Variants in NEFL observed in about 807,000 individuals in gnomAD.
NEFL encodes the protein neurofilament light chain, also known as neurofilament light polypeptide.
Under a neutral mutation model 51.6 loss-of-function variants are expected in NEFL, and 36 were observed. That is an observed-to-expected ratio of 0.70 (90% CI 0.53 to 0.92). NEFL has a LOEUF of 0.92. NEFL is among the 40% of genes least tolerant of loss of function. The pLI is 0.00. For synonymous variants in NEFL, 332 were observed against 302.5 expected (o/e 1.10, Z -1.01); for missense variants, 671 against 722.0 (o/e 0.93, Z 0.81).
In NEFL at chr8:24,955,252, A is replaced by T; in HGVS notation, c.1044+220T>A. 1 of 464,190 alleles carries T rather than the reference A, an allele frequency of 2.2e-6. No individual in the cohort carries two copies. Among genetic ancestry groups the T allele is most frequent in the Non-Finnish European group, 3.8e-6 (1 of 262,462 alleles). 28.8% of individuals were successfully genotyped at this position (464,190 alleles called of 1,614,324 possible). On this transcript the variant is annotated intron_variant, in intron 1 of 3. Coordinates refer to ENST00000610854, the MANE Select transcript of NEFL (RefSeq NM_006158.5). This position sits in a 1 kb window ranked among gnomAD's most constrained non-coding sequence, Gnocchi z 4.0. ...CAAGGGCTGGGCAGCTTTAATGCGG[A>T]ACGCCGGTGCAGCAGCACGGAGCAC...
Position 24,955,766 on chromosome 8 carries a change from G to A in NEFL, c.750C>T (p.Thr250=), listed in dbSNP as rs1292559793. The change falls in exon 1 of 4, where the codon ACC becomes ACT. Residue 250 remains threonine (T), a synonymous_variant. Transcript: ENST00000610854. This position sits in a 1 kb window ranked among gnomAD's most constrained non-coding sequence, Gnocchi z 4.0. ...YAQISVEMDV[T]KPDLSAALKD... is the part of the protein sequence containing the mutation. ...TGAGCGCGGCGGAAAGGTCGGGCTT[G>A]GTCACGTCCATCTCCACGGAGATCT... is the stretch of plus-strand genomic sequence containing the variant. 1.2e-6 allele frequency: 2 copies of A among 1,613,178 alleles called. No individual in the cohort carries two copies. The highest frequency in any genetic ancestry group is 2.2e-5 in the East Asian group (1 of 44,852).
At position 24,955,388 on chromosome 8, in the gene NEFL, AC is replaced by A. The variant is rs1803030721; in HGVS notation, c.1044+83del. ...CCTAAGAGCTGCGTGCAGCCGCACC[AC>A]CCCTGGTCTCCACTTTCTGGGCGCA... On this transcript the variant is annotated intron_variant, in intron 1 of 3. Coordinates refer to ENST00000610854, the MANE Select transcript of NEFL (RefSeq NM_006158.5). This position sits in a 1 kb window ranked among gnomAD's most constrained non-coding sequence, Gnocchi z 4.0. 2 of 1,341,110 alleles carry A rather than the reference AC, an allele frequency of 1.5e-6. No homozygotes were observed. The highest frequency in any genetic ancestry group is 2.0e-6 in the Non-Finnish European group (2 of 993,272). 83.1% of individuals were successfully genotyped at this position (1,341,110 alleles called of 1,614,324 possible). A position where few individuals can be genotyped will look rare whatever the true frequency, so the allele number is the denominator to read the frequency against.
Position 24,952,738 on chromosome 8 carries a change from G to C in NEFL, c.*72C>G. The C allele has an allele frequency of 6.2e-7, 1 of 1,605,504 alleles. No individual in the cohort carries two copies. Among genetic ancestry groups the C allele is most frequent in the Non-Finnish European group, 8.5e-7 (1 of 1,174,842 alleles). ...TCACATAGAATCTGGAACTCAACTG[G>C]TTGGTTGGTTGGTGATGGGGTTGAC... On this transcript the variant is annotated 3_prime_UTR_variant, in exon 4 of 4. Transcript: ENST00000610854.
intron 1 of NEFL, 23 bp from the exon 2 acceptor site, chr8:24,954,328 CAA>C (rs759422223): frequency 6.9e-7 from 1 of 1,445,612 alleles, no homozygotes; most frequent in African/African-American, 1.5e-5. Context: ...AAAAATAAAA[CAA>C]AAAAAAAATC....
intron 2 of NEFL, 151 bp downstream of exon 2, chr8:24,954,030 A>T: frequency 8.0e-7 from 1 of 1,252,136 alleles, no homozygotes; most frequent in Non-Finnish European, 1.1e-6. Flanking sequence ...TTATATATCT[A>T]AATACCCTCT....
intron 2 of NEFL, 108 bp downstream of exon 2, chr8:24,954,073 A>G (rs1803008036): frequency 6.7e-7 from 1 of 1,499,836 alleles, no homozygotes; most frequent in African/African-American, 1.4e-5. Flanking sequence ...ACACTTCATT[A>G]TTTCAAAAGG....
At position 24,955,050 on chromosome 8, in the gene NEFL, G is replaced by C. The variant is rs1028983946; in HGVS notation, c.1044+422C>G. 6.6e-6 allele frequency among the ~76,000 whole-genome samples: 1 copy of C among 152,216 alleles called. No homozygotes were observed. The highest frequency in any genetic ancestry group is 2.4e-5 in the African/African-American group (1 of 41,456). On this transcript the variant is annotated intron_variant, in intron 1 of 3. Coordinates refer to ENST00000610854, the MANE Select transcript of NEFL (RefSeq NM_006158.5). The surrounding 1 kb of genome is among the most constrained non-coding windows in gnomAD (Gnocchi z 4.0). Reference sequence around the variant, plus strand: ...GTTGGTAAAACTAGTCATAAAGCATGCTGGTCACAGTAATCCTTCAGAATT... The same window carrying C: ...GTTGGTAAAACTAGTCATAAAGCATCCTGGTCACAGTAATCCTTCAGAATT...
At position 24,955,468 on chromosome 8, in the gene NEFL, G is replaced by T; in HGVS notation, c.1044+4C>A. Reference sequence around the variant, plus strand: ...GCCCCCCTGTGTTTCTGGCCGTGCCGCACCTGCATAGCGCTGATGTCGGCG... The same window carrying T: ...GCCCCCCTGTGTTTCTGGCCGTGCCTCACCTGCATAGCGCTGATGTCGGCG... On this transcript the variant is annotated splice_donor_region_variant and intron_variant, in intron 1 of 3. Coordinates refer to ENST00000610854, the MANE Select transcript of NEFL (RefSeq NM_006158.5). The surrounding 1 kb of genome is among the most constrained non-coding windows in gnomAD (Gnocchi z 4.0). 1 of 1,567,924 alleles carries T rather than the reference G, an allele frequency of 6.4e-7. No individual in the cohort carries two copies.
In NEFL at chr8:24,952,309, T is replaced by TA. The variant is rs1242482983; in HGVS notation, c.*500_*501insT. On this transcript the variant is annotated 3_prime_UTR_variant, in exon 4 of 4. Transcript: ENST00000610854. Reference sequence around the variant, plus strand: ...AAAAAATTGGAGGTCAATAGTCCACTGGTATATACTTTATATTGGTGCCAT... The same window carrying TA: ...AAAAAATTGGAGGTCAATAGTCCACTAGGTATATACTTTATATTGGTGCCAT... The TA allele has an allele frequency of 2.0e-5, 3 of 152,860 alleles. No individual in the cohort carries two copies. The highest frequency in any genetic ancestry group is 2.0e-4 in the Admixed American group (3 of 15,290). The allele number at this position is 152,860 out of a possible 1,614,324, so 9.5% of individuals were successfully genotyped here.
In NEFL at chr8:24,955,426, C is replaced by CGGGGGGGGGGGGG; in HGVS notation, c.1044+45_1044+46insCCCCCCCCCCCCC. 1.1e-6 allele frequency: 1 copy of CGGGGGGGGGGGGG among 909,568 alleles called. No individual in the cohort carries two copies. Among genetic ancestry groups the CGGGGGGGGGGGGG allele is most frequent in the Non-Finnish European group, 1.7e-6 (1 of 586,390 alleles). The allele number at this position is 909,568 out of a possible 1,614,324, so 56.3% of individuals were successfully genotyped here. On this transcript the variant is annotated intron_variant, in intron 1 of 3. Coordinates refer to ENST00000610854, the MANE Select transcript of NEFL (RefSeq NM_006158.5). This position sits in a 1 kb window ranked among gnomAD's most constrained non-coding sequence, Gnocchi z 4.0. ...ACTTTCTGGGCGCACCAACTCCCCC[C>CGGGGGGGGGGGGG]CTTGCTCGAGTCCCCCGCCCCCCTG...
At position 24,955,438 on chromosome 8, in the gene NEFL, C is replaced by T. The variant is rs988555483; in HGVS notation, c.1044+34G>A. The T allele has an allele frequency of 6.2e-6, 5 of 808,790 alleles. No homozygotes were observed. The highest frequency in any genetic ancestry group is 3.2e-5 in the African/African-American group (2 of 61,818). The allele number at this position is 808,790 out of a possible 1,614,324, so 50.1% of individuals were successfully genotyped here. A position where few individuals can be genotyped will look rare whatever the true frequency, so the allele number is the denominator to read the frequency against. ...CACCAACTCCCCCCCTTGCTCGAGT[C>T]CCCCGCCCCCCTGTGTTTCTGGCCG... On this transcript the variant is annotated intron_variant, in intron 1 of 3. Transcript: ENST00000610854. This position sits in a 1 kb window ranked among gnomAD's most constrained non-coding sequence, Gnocchi z 4.0.
chr8:24,956,604 G>T lies in NEFL; in HGVS notation c.-89C>A. ...AGAGAGGGAAGGGGGAGGATGGATG[G>T]CTGTGTGCGGCTCGGCGCCGTTCTG... On this transcript the variant is annotated 5_prime_UTR_variant, in exon 1 of 4. Coordinates refer to ENST00000610854, the MANE Select transcript of NEFL (RefSeq NM_006158.5). This position sits in a 1 kb window ranked among gnomAD's most constrained non-coding sequence, Gnocchi z 5.9. 1 of 1,254,858 alleles carries T rather than the reference G, an allele frequency of 8.0e-7. No homozygotes were observed. Among genetic ancestry groups the T allele is most frequent in the Non-Finnish European group, 1.1e-6 (1 of 880,512 alleles). The allele number at this position is 1,254,858 out of a possible 1,614,324, so 77.7% of individuals were successfully genotyped here.
In NEFL at chr8:24,955,449, C is replaced by T; in HGVS notation, c.1044+23G>A. 6.4e-7 allele frequency: 1 copy of T among 1,559,628 alleles called. No homozygotes were observed. Among genetic ancestry groups the T allele is most frequent in the Non-Finnish European group, 8.7e-7 (1 of 1,154,202 alleles). ...CCCCTTGCTCGAGTCCCCCGCCCCC[C>T]TGTGTTTCTGGCCGTGCCGCACCTG... On this transcript the variant is annotated intron_variant, in intron 1 of 3. Coordinates refer to ENST00000610854, the MANE Select transcript of NEFL (RefSeq NM_006158.5). The surrounding 1 kb of genome is among the most constrained non-coding windows in gnomAD (Gnocchi z 4.0).
Position 24,955,582 on chromosome 8 carries a change from G to A in NEFL, c.934C>T (p.Leu312Phe). Reference protein sequence around the residue: ...KDEVSESRRLLKAKTLEIEAC... With the variant: ...KDEVSESRRLFKAKTLEIEAC... ...TCGATTTCCAGGGTCTTGGCCTTGA[G>A]CAGACGACGGCTCTCGGACACCTCG... is the stretch of plus-strand genomic sequence containing the variant. The change falls in exon 1 of 4, where the codon CTC (leucine) becomes TTC (phenylalanine). Residue 312 changes from leucine (L) to phenylalanine (F), a missense_variant. Physicochemically the swap from Leu to Phe is conservative, Grantham distance 22. Coordinates refer to ENST00000610854, the MANE Select transcript of NEFL (RefSeq NM_006158.5). The surrounding 1 kb of genome is among the most constrained non-coding windows in gnomAD (Gnocchi z 4.0). 1 of 1,613,750 alleles carries A rather than the reference G, an allele frequency of 6.2e-7. No homozygotes were observed. The highest frequency in any genetic ancestry group is 8.5e-7 in the Non-Finnish European group (1 of 1,179,876).
In NEFL at chr8:24,955,919, G is replaced by T; in HGVS notation, c.597C>A (p.Ala199=). 1 of 1,604,754 alleles carries T rather than the reference G, an allele frequency of 6.2e-7. No individual in the cohort carries two copies. The highest frequency in any genetic ancestry group is 1.1e-5 in the South Asian group (1 of 91,068). ...CGGCGCGAGCGAGCGCCGCCTCGTC[G>T]GCGCCTTTGCGCGCTTCCATCAGCC... The part of the protein sequence containing the change: ...EGRLMEARKG[A]DEAALARAEL... Residue 199 remains alanine (A), a synonymous_variant, in exon 1 of 4, where the codon GCC becomes GCA. Coordinates refer to ENST00000610854, the MANE Select transcript of NEFL (RefSeq NM_006158.5). The surrounding 1 kb of genome is among the most constrained non-coding windows in gnomAD (Gnocchi z 4.0).
In NEFL at chr8:24,955,427, C is replaced by G. The variant is rs370284055; in HGVS notation, c.1044+45G>C. The G allele has an allele frequency of 6.2e-4, 646 of 1,036,606 alleles. 4 individuals carry two copies. Among genetic ancestry groups the G allele is most frequent in the Non-Finnish European group, 8.4e-4 (587 of 698,992 alleles). 64.2% of individuals were successfully genotyped at this position (1,036,606 alleles called of 1,614,324 possible). On this transcript the variant is annotated intron_variant, in intron 1 of 3. Coordinates refer to ENST00000610854, the MANE Select transcript of NEFL (RefSeq NM_006158.5). This position sits in a 1 kb window ranked among gnomAD's most constrained non-coding sequence, Gnocchi z 4.0. ...CTTTCTGGGCGCACCAACTCCCCCC[C>G]TTGCTCGAGTCCCCCGCCCCCCTGT...
chr8:24,956,033 C>G lies in NEFL; in HGVS notation c.483G>C (p.Gln161His). The G allele has an allele frequency of 1.2e-6, 2 of 1,604,290 alleles. No individual in the cohort carries two copies. The highest frequency in any genetic ancestry group is 1.7e-6 in the Non-Finnish European group (2 of 1,178,860). The change falls in exon 1 of 4, where the codon CAG becomes CAC. Residue 161 changes from glutamine to histidine, a missense_variant. Coordinates refer to ENST00000610854, the MANE Select transcript of NEFL (RefSeq NM_006158.5). This position sits in a 1 kb window ranked among gnomAD's most constrained non-coding sequence, Gnocchi z 5.9. ...EDATNEKQAL[Q>H]GEREGLEETL... Reference sequence around the variant, plus strand: ...TCTCCTCCAGCCCTTCGCGCTCGCCCTGGAGCGCCTGCTTCTCGTTGGTGG... The same window carrying G: ...TCTCCTCCAGCCCTTCGCGCTCGCCGTGGAGCGCCTGCTTCTCGTTGGTGG...
In NEFL at chr8:24,953,678, G is replaced by C; in HGVS notation, c.1287C>G (p.Thr429=). 1 of 1,614,002 alleles carries C rather than the reference G, an allele frequency of 6.2e-7. No homozygotes were observed. Among genetic ancestry groups the C allele is most frequent in the Non-Finnish European group, 8.5e-7 (1 of 1,179,904 alleles). The change falls in exon 3 of 4, where the codon ACC becomes ACG. Residue 429 remains threonine (T), a synonymous_variant. Coordinates refer to ENST00000610854, the MANE Select transcript of NEFL (RefSeq NM_006158.5). ...FGRSAYGGLQ[T]SSYLMSTRSF... ...AGCGGGTGGACATCAGATAGGAGCT[G>C]GTCTGTAAACCGCCGTAGGCAGATC...
At chr8:24,954,809 G>A (rs1302831389) in intron 1 of NEFL, among the ~76,000 whole-genome samples, 2 of 151,810 alleles carry the variant, frequency 1.3e-5, no homozygotes, top group South Asian at 2.1e-4. Flanking sequence ...AGAAGATGGA[G>A]ATGTTTTAAA....
Sources: gnomAD v4.1 joint callset for allele counts (sites outside exome capture counted in the v4.1 genomes callset) on GRCh38, gnomAD v4.1.1 for gene constraint, Gnocchi (gnomAD v3.1) non-coding constraint, MANE v1.5 for transcripts, NCBI Gene and HGNC (gene_info 2026-07-23, HGNC 2026-07-21) for gene names.